SLC17A1: variants seen among roughly 807,000 people sequenced by gnomAD.
SLC17A1 encodes the protein solute carrier family 17 member 1, also known as sodium-dependent phosphate transport protein 1.
A neutral mutation model predicts 53.5 loss-of-function variants in SLC17A1; 51 were observed. The observed-to-expected ratio is 0.95, with a 90% confidence interval of 0.76 to 1.20. The LOEUF is 1.20. Among genes scored for constraint, SLC17A1 ranks in the 50% most tolerant of loss-of-function variants. The pLI, the probability that SLC17A1 is intolerant of heterozygous loss-of-function variation, is 0.00. For missense variants in SLC17A1, 538 were observed against 568.2 expected, an observed-to-expected ratio of 0.95 and a Z score of 0.54; for synonymous variants, 179 against 198.8, an observed-to-expected ratio of 0.90 and a Z score of 0.84.
the SLC17A1 span, among the ~76,000 whole-genome samples, chr6:25,746,125 C>A: frequency 7.2e-5 from 11 of 152,242 alleles, no homozygotes; most frequent in Non-Finnish European, 1.2e-4. Flanking sequence ...ATAAATTCAA[C>A]AAAAATGCAT....
At chr6:25,808,111 C>T (rs1419167081) in intron 10 of SLC17A1, among the ~76,000 whole-genome samples, 1 of 152,120 alleles carries the variant, frequency 6.6e-6, no homozygotes, top group East Asian at 1.9e-4. Context: ...CTTTTCACCA[C>T]ACCCATGCCA....
At chr6:25,789,569 A>T (rs1487742898) in intron 12 of SLC17A1, among the ~76,000 whole-genome samples, 1 of 152,208 alleles carries the variant, frequency 6.6e-6, no homozygotes, top group Non-Finnish European at 1.5e-5. Context: ...GAAATGGTAC[A>T]TATCAGCATC....
chr6:25,757,387 C>T, the SLC17A1 span, among the ~76,000 whole-genome samples: 1 of 151,946 alleles, frequency 6.6e-6, no homozygotes, highest in Non-Finnish European at 1.5e-5. Context: ...GGTGCTGTAA[C>T]TTTATATCTG....
intron 2 of SLC17A1, 145 bp downstream of exon 2, chr6:25,830,379 T>C (rs547365004): frequency 4.6e-5 from 28 of 613,370 alleles, no homozygotes; most frequent in Non-Finnish European, 6.8e-5. Flanking sequence ...TGGAAAACCA[T>C]AGTAGGACTG....
At chr6:25,770,872 T>C in the SLC17A1 span, 3 of 1,382,804 alleles carry the variant, frequency 2.2e-6, no homozygotes, top group South Asian at 1.2e-5. Flanking sequence ...AGAAAGCACA[T>C]AGAGCCCCAA....
chr6:25,742,252 TG>T, the SLC17A1 span, among the ~76,000 whole-genome samples: 4 of 152,202 alleles, frequency 2.6e-5, no homozygotes, highest in Non-Finnish European at 5.9e-5. Context: ...AGGACTTGAC[TG>T]TATTGACCAA....
At chr6:25,757,759 C>T in the SLC17A1 span, among the ~76,000 whole-genome samples, 1 of 152,106 alleles carries the variant, frequency 6.6e-6, no homozygotes, top group South Asian at 2.1e-4. Flanking sequence ...CATTGGTGGT[C>T]TCTGGGTTGG....
At chr6:25,797,996 G>A (rs1009351315) in intron 12 of SLC17A1, among the ~76,000 whole-genome samples, 5 of 152,096 alleles carry the variant, frequency 3.3e-5, no homozygotes, top group Admixed American at 6.6e-5. Context: ...CTTCCAAAGC[G>A]GTAGCTGTAT....
the SLC17A1 span, chr6:25,731,981 A>T: frequency 1.3e-6 from 2 of 1,590,736 alleles, no homozygotes; most frequent in South Asian, 2.2e-5. Flanking sequence ...AATTCATGAT[A>T]CTCATGGCCT....
chr6:25,830,669 C>T lies in SLC17A1; in HGVS notation c.-50-62G>A, dbSNP rs1295718839. The T allele has an allele frequency of 3.5e-5, 37 of 1,069,936 alleles. No individual in the cohort carries two copies. The Middle Eastern group carries it at 6.1e-4, about 18-fold the overall frequency. The allele number at this position is 1,069,936 out of a possible 1,614,324, so 66.3% of individuals were successfully genotyped here. A position where few individuals can be genotyped will look rare whatever the true frequency, so the allele number is the denominator to read the frequency against. Reference sequence around the variant, plus strand: ...AGAGAGGCAACTGACCAAACACTACCCAGTACTCCTCTCTGATTTAAAACC... The same window carrying T: ...AGAGAGGCAACTGACCAAACACTACTCAGTACTCCTCTCTGATTTAAAACC... On this transcript the variant is annotated intron_variant, in intron 1 of 12. Transcript: ENST00000244527.
chr6:25,768,600 T>A, the SLC17A1 span, among the ~76,000 whole-genome samples: 1 of 152,306 alleles, frequency 6.6e-6, no homozygotes, highest in East Asian at 1.9e-4. Context: ...AGCAGGGAAC[T>A]TGGGAGTCAT....
chr6:25,731,011 T>C, the SLC17A1 span, among the ~76,000 whole-genome samples: 5 of 152,192 alleles, frequency 3.3e-5, no homozygotes, highest in Non-Finnish European at 7.3e-5. Flanking sequence ...ACCATGTGAA[T>C]AGGGTGGTAC....
chr6:25,737,701 T>A, the SLC17A1 span, among the ~76,000 whole-genome samples: 1 of 152,118 alleles, frequency 6.6e-6, no homozygotes, highest in African/African-American at 2.4e-5. Flanking sequence ...TGCCTTCCAA[T>A]GAAATAACAA....
At chr6:25,760,543 A>G in the SLC17A1 span, among the ~76,000 whole-genome samples, 2 of 152,062 alleles carry the variant, frequency 1.3e-5, no homozygotes, top group Non-Finnish European at 2.9e-5. Context: ...CCTATCCGTT[A>G]TTTCCTAAAG....
intron 6 of SLC17A1, 41 bp downstream of exon 6, chr6:25,819,027 G>T (rs1233484124): frequency 1.5e-6 from 2 of 1,364,378 alleles, no homozygotes; most frequent in Non-Finnish European, 2.0e-6. Context: ...AATTTTTTTA[G>T]ATTCTGAATA....
the SLC17A1 span, among the ~76,000 whole-genome samples, chr6:25,773,996 A>C: frequency 6.6e-6 from 1 of 152,160 alleles, no homozygotes; most frequent in South Asian, 2.1e-4. Context: ...CAATCCCATC[A>C]AAATTTGCAA....
chr6:25,735,996 A>C, the SLC17A1 span, among the ~76,000 whole-genome samples: 19 of 152,202 alleles, frequency 1.2e-4, no homozygotes, highest in Non-Finnish European at 2.6e-4. Flanking sequence ...GACAAATAAA[A>C]AATTTTAGAA....
chr6:25,773,650 G>A, the SLC17A1 span: 12 of 1,613,476 alleles, frequency 7.4e-6, no homozygotes, highest in Non-Finnish European at 9.3e-6. Context: ...ACATCAGCTC[G>A]GTACTTCAAG....
At chr6:25,798,615 CAG>C (rs1763658348) in intron 12 of SLC17A1, 166 bp downstream of exon 12, 1 of 486,326 alleles carries the variant, frequency 2.1e-6, no homozygotes, top group African/African-American at 2.0e-5. Flanking sequence ...AGCATCCCCA[CAG>C]AGTCCCACAG....
Sources: gnomAD v4.1 joint callset for allele counts (sites outside exome capture counted in the v4.1 genomes callset) on GRCh38, gnomAD v4.1.1 for gene constraint, MANE v1.5 for transcripts, NCBI Gene and HGNC (gene_info 2026-07-23, HGNC 2026-07-21) for gene names.